The following CD274 variants were observed in gnomAD, a reference collection of about 807,000 sequenced individuals.
CD274 encodes CD274 molecule.
In CD274, 8 loss-of-function variants were observed where a neutral mutation model predicts 30.1. The observed-to-expected ratio is 0.27, with a 90% CI of 0.16 to 0.48. The LOEUF (loss-of-function observed/expected upper bound fraction) is 0.48. Ranked by LOEUF, CD274 falls within the 20% of genes least tolerant of loss-of-function variation. The pLI is 0.99. For missense variants in CD274, 353 were observed against 346.6 expected (o/e 1.02, Z -0.15); for synonymous variants, 152 against 124.6 (o/e 1.22, Z -1.46).
chr9:5,455,493 A>G (rs1280939505), intron 1 of CD274, among the ~76,000 whole-genome samples: 1 of 151,988 alleles, frequency 6.6e-6, no homozygotes, highest in East Asian at 1.9e-4. Flanking sequence ...TCCCCTTCCC[A>G]CTCCCCACTG....
Position 5,470,351 on chromosome 9 carries a change from T to A in CD274, c.*2489T>A, listed in dbSNP as rs751592921. ...CTAACTCCTCCTTGTGGTGTTGGATTTGTAAGGCACTTTATCCCTTTTGTC... is the reference window on the plus strand; with the variant it reads ...CTAACTCCTCCTTGTGGTGTTGGATATGTAAGGCACTTTATCCCTTTTGTC... On this transcript the variant is annotated 3_prime_UTR_variant, in exon 7 of 7. Coordinates refer to ENST00000381577, the MANE Select transcript of CD274 (RefSeq NM_014143.4). 8.2e-5 allele frequency: 19 copies of A among 232,414 alleles called. No individual in the cohort carries two copies. The highest frequency in any genetic ancestry group is 1.4e-4 in the Non-Finnish European group (16 of 117,590). The allele number at this position is 232,414 out of a possible 1,614,324, so 14.4% of individuals were successfully genotyped here.
rs1415582614 is a variant in CD274 at position 5,468,496 on chromosome 9, T to C, written c.*634T>C. 8 of 232,994 alleles carry C rather than the reference T, an allele frequency of 3.4e-5. No homozygotes were observed. Among genetic ancestry groups the C allele is most frequent in the African/African-American group, 1.5e-4 (7 of 45,350 alleles). 14.4% of individuals were successfully genotyped at this position (232,994 alleles called of 1,614,324 possible). A position where few individuals can be genotyped will look rare whatever the true frequency, so the allele number is the denominator to read the frequency against. On this transcript the variant is annotated 3_prime_UTR_variant, in exon 7 of 7. Transcript: ENST00000381577. The stretch of plus-strand genomic sequence containing the variant: ...TTTGTAAGGTGCTTGGTCTCCTCTA[T>C]AACTACAAGTATACATTGGAAGCAT...
chr9:5,460,444 G>A (rs1819384493), intron 3 of CD274, among the ~76,000 whole-genome samples: 1 of 152,140 alleles, frequency 6.6e-6, no homozygotes, highest in Non-Finnish European at 1.5e-5. Flanking sequence ...CATGTAAGAT[G>A]AGTATTTTTC....
chr9:5,464,982 G>C (rs370675861), intron 4 of CD274, among the ~76,000 whole-genome samples: 1 of 151,896 alleles, frequency 6.6e-6, no homozygotes, highest in Admixed American at 6.6e-5. Flanking sequence ...AGCTACTCGG[G>C]AGACTGAGGC....
intron 3 of CD274, 70 bp downstream of exon 3, chr9:5,457,490 T>C: frequency 8.2e-7 from 1 of 1,220,214 alleles, no homozygotes; most frequent in Non-Finnish European, 1.2e-6. Flanking sequence ...AGACTTTTCA[T>C]TCTTGTAAGT....
intron 5 of CD274, chr9:5,465,880 AAG>A (rs1819490788): frequency 4.3e-6 from 1 of 232,762 alleles, no homozygotes; most frequent in Admixed American, 5.7e-5. Flanking sequence ...ACAGAAGAGA[AAG>A]AGCTAAAATG....
At chr9:5,461,014 T>A (rs1819394624) in intron 3 of CD274, among the ~76,000 whole-genome samples, 1 of 152,204 alleles carries the variant, frequency 6.6e-6, no homozygotes, top group Non-Finnish European at 1.5e-5. Context: ...AATAAAAATT[T>A]AATAAACAAT....
chr9:5,469,331 C>G lies in CD274; in HGVS notation c.*1469C>G. On this transcript the variant is annotated 3_prime_UTR_variant, in exon 7 of 7. Coordinates refer to ENST00000381577, the MANE Select transcript of CD274 (RefSeq NM_014143.4). ...TTTAAATTCATACCTTTCCATGATTCAAAATTCAAAAGATCCCATGGGAGA... is the reference window on the plus strand; with the variant it reads ...TTTAAATTCATACCTTTCCATGATTGAAAATTCAAAAGATCCCATGGGAGA... The G allele has an allele frequency of 4.3e-6, 1 of 232,612 alleles. No individual in the cohort carries two copies. Among genetic ancestry groups the G allele is most frequent in the Non-Finnish European group, 8.5e-6 (1 of 117,714 alleles). 14.4% of individuals were successfully genotyped at this position (232,612 alleles called of 1,614,324 possible). A position where few individuals can be genotyped will look rare whatever the true frequency, so the allele number is the denominator to read the frequency against.
At position 5,470,181 on chromosome 9, in the gene CD274, C is replaced by T; in HGVS notation, c.*2319C>T. On this transcript the variant is annotated 3_prime_UTR_variant, in exon 7 of 7. Coordinates refer to ENST00000381577, the MANE Select transcript of CD274 (RefSeq NM_014143.4). ...TTGCCACATGTCAAGGCTGAAGAAA[C>T]AGTGTCTCCAACAGAGCTCCTTGTG... 1 of 232,964 alleles carries T rather than the reference C, an allele frequency of 4.3e-6. No homozygotes were observed. Among genetic ancestry groups the T allele is most frequent in the South Asian group, 1.8e-4 (1 of 5,524 alleles). 14.4% of individuals were successfully genotyped at this position (232,964 alleles called of 1,614,324 possible). A position where few individuals can be genotyped will look rare whatever the true frequency, so the allele number is the denominator to read the frequency against.
At chr9:5,466,506 T>C (rs1238658589) in intron 5 of CD274, among the ~76,000 whole-genome samples, 1 of 152,066 alleles carries the variant, frequency 6.6e-6, no homozygotes, top group Non-Finnish European at 1.5e-5. Flanking sequence ...TCAATAGATA[T>C]TAAAATACCT....
At chr9:5,458,578 C>T (rs1315368131) in intron 3 of CD274, among the ~76,000 whole-genome samples, 3 of 152,134 alleles carry the variant, frequency 2.0e-5, no homozygotes, top group African/African-American at 7.2e-5. Context: ...AAAAAGTATA[C>T]ATTTGTCACT....
At chr9:5,453,354 G>A (rs1313179887) in intron 1 of CD274, among the ~76,000 whole-genome samples, 1 of 152,160 alleles carries the variant, frequency 6.6e-6, no homozygotes, top group Non-Finnish European at 1.5e-5. Flanking sequence ...TTTAAACAAT[G>A]GGTGAAAATA....
rs771777153 is a variant in CD274 at position 5,463,927 on chromosome 9, A to G, written c.682+806A>G. Among the ~76,000 whole-genome samples, 34 of 97,292 alleles carry G rather than the reference A, an allele frequency of 3.5e-4. 1 individual carries two copies. Among genetic ancestry groups the G allele is most frequent in the South Asian group, 7.8e-4 (2 of 2,550 alleles). The allele number at this position is 97,292 out of a possible 152,430, so 63.8% of individuals were successfully genotyped here. On this transcript the variant is annotated intron_variant, in intron 4 of 6. Coordinates refer to ENST00000381577, the MANE Select transcript of CD274 (RefSeq NM_014143.4). ...TCTGATGAGAGGCTCAGAATGTGAA[A>G]GAAAGTGAGGCGAGTGAGCATGATA...
rs924729708 is a variant in CD274, at chr9:5,470,421, C to T, written c.*2559C>T. 2 of 230,236 alleles carry T rather than the reference C, an allele frequency of 8.7e-6. No homozygotes were observed. The highest frequency in any genetic ancestry group is 4.4e-5 in the African/African-American group (2 of 45,166). The allele number at this position is 230,236 out of a possible 1,614,324, so 14.3% of individuals were successfully genotyped here. A position where few individuals can be genotyped will look rare whatever the true frequency, so the allele number is the denominator to read the frequency against. ...GCATAGGCAGAGATGATACCTAATT[C>T]TGCATTTGATTGTCACTTTTTGTAC... On this transcript the variant is annotated 3_prime_UTR_variant, in exon 7 of 7. Transcript: ENST00000381577.
At chr9:5,455,667 G>T (rs998790736) in intron 1 of CD274, among the ~76,000 whole-genome samples, 2 of 152,208 alleles carry the variant, frequency 1.3e-5, no homozygotes, top group Non-Finnish European at 2.9e-5. Flanking sequence ...AAAGTATTTA[G>T]CTGTAGGGGG....
chr9:5,467,473 A>AT (rs1236041683), intron 6 of CD274, among the ~76,000 whole-genome samples: 3 of 152,174 alleles, frequency 2.0e-5, no homozygotes, highest in Non-Finnish European at 2.9e-5. Flanking sequence ...AAGGTTTCTA[A>AT]TTTTTTTAAT....
intron 3 of CD274, among the ~76,000 whole-genome samples, chr9:5,458,821 T>C (rs948655169): frequency 4.6e-5 from 7 of 152,216 alleles, no homozygotes; most frequent in Non-Finnish European, 1.0e-4. Flanking sequence ...TTGTGGTTTA[T>C]ACTTTCAGTT....
At chr9:5,459,436 C>T (rs1315975244) in intron 3 of CD274, among the ~76,000 whole-genome samples, 1 of 152,176 alleles carries the variant, frequency 6.6e-6, no homozygotes, top group African/African-American at 2.4e-5. Flanking sequence ...CTTGCAGGAG[C>T]TTCCCAACTC....
chr9:5,464,144 T>C (rs1819457186), intron 4 of CD274, among the ~76,000 whole-genome samples: 1 of 152,080 alleles, frequency 6.6e-6, no homozygotes. Flanking sequence ...TAGAAAATGA[T>C]GGGGATGCTC....
Sources: allele counts gnomAD v4.1 joint callset (sites outside exome capture counted in the v4.1 genomes callset), GRCh38; gene constraint gnomAD v4.1.1; transcripts MANE v1.5; gene names NCBI Gene and HGNC (gene_info 2026-07-23, HGNC 2026-07-21).